FERMT2: variants seen among roughly 807,000 people sequenced by gnomAD.
The protein encoded by FERMT2 is FERM domain containing kindlin 2, also known as fermitin family homolog 2.
Under a neutral mutation model 82.7 loss-of-function variants are expected in FERMT2, and 15 were observed. The observed-to-expected ratio is 0.18, with a 90% CI of 0.12 to 0.28. FERMT2 has a LOEUF of 0.28. Ranked by LOEUF, FERMT2 falls within the 10% of genes least tolerant of loss-of-function variation. The pLI is 1.00. For synonymous variants in FERMT2, 274 were observed against 271.5 expected (o/e 1.01, Z -0.09); for missense variants, 645 against 809.4 (o/e 0.80, Z 2.46).
intron 2 of FERMT2, among the ~76,000 whole-genome samples, chr14:52,919,637 T>C (rs1888834510): frequency 6.6e-6 from 1 of 152,178 alleles, no homozygotes; most frequent in South Asian, 2.1e-4. Context: ...TACCCTCTTA[T>C]TCTCAGAAAA....
intron 2 of FERMT2, among the ~76,000 whole-genome samples, chr14:52,936,481 A>C (rs1889843015): frequency 6.6e-6 from 1 of 152,162 alleles, no homozygotes; most frequent in Admixed American, 6.5e-5. Context: ...GATAATGCTA[A>C]ATCTTTTAAA....
At chr14:52,914,971 C>T (rs1016438916) in intron 3 of FERMT2, among the ~76,000 whole-genome samples, 1 of 151,216 alleles carries the variant, frequency 6.6e-6, no homozygotes, top group African/African-American at 2.4e-5. Flanking sequence ...CAAGAAAATC[C>T]AAGAGAATCA....
At chr14:52,859,896 C>T (rs1884804500) in intron 13 of FERMT2, 182 bp from the exon 14 acceptor site, 1 of 358,242 alleles carries the variant, frequency 2.8e-6, no homozygotes, top group South Asian at 8.0e-5. Flanking sequence ...CAGCTCACTG[C>T]AAGCTCCGCC....
chr14:52,932,625 T>G (rs1046754484), intron 2 of FERMT2, among the ~76,000 whole-genome samples: 1 of 152,182 alleles, frequency 6.6e-6, no homozygotes, highest in Non-Finnish European at 1.5e-5. Flanking sequence ...ATAACAATAA[T>G]GTACTCACTT....
intron 4 of FERMT2, 68 bp from the exon 5 acceptor site, chr14:52,881,537 ATAT>A (rs1320939604): frequency 1.8e-6 from 2 of 1,127,274 alleles, no homozygotes; most frequent in Non-Finnish European, 2.6e-6. Context: ...ATAATAACAC[ATAT>A]TATGATATAA....
In FERMT2 at chr14:52,880,887, C is replaced by G. The variant is rs1886254302; in HGVS notation, c.855+149G>C. On this transcript the variant is annotated intron_variant, in intron 6 of 14. Transcript: ENST00000341590. Reference sequence around the variant, plus strand: ...ATAGACTTATTTAAAATACAAATACCTTTGCCTAAAAGTTTGGGTTTTTAA... The same window carrying G: ...ATAGACTTATTTAAAATACAAATACGTTTGCCTAAAAGTTTGGGTTTTTAA... 3.1e-5 allele frequency: 17 copies of G among 544,026 alleles called. No individual in the cohort carries two copies. The East Asian group carries it at 5.1e-4, about 16-fold the overall frequency. 33.7% of individuals were successfully genotyped at this position (544,026 alleles called of 1,614,324 possible). A position where few individuals can be genotyped will look rare whatever the true frequency, so the allele number is the denominator to read the frequency against.
At chr14:52,938,645 C>T (rs1889956607) in intron 2 of FERMT2, among the ~76,000 whole-genome samples, 1 of 152,150 alleles carries the variant, frequency 6.6e-6, no homozygotes, top group South Asian at 2.1e-4. Context: ...CGGCTCAGTG[C>T]AACCTCCACC....
At chr14:52,868,215 A>AT (rs5808693) in intron 10 of FERMT2, among the ~76,000 whole-genome samples, 98,484 of 143,592 alleles carry the variant, frequency 0.69, 35,660 homozygotes, top group Non-Finnish European at 0.79. Flanking sequence ...CTCTCTAGGC[A>AT]TTTTTTTTTT....
In FERMT2 at chr14:52,858,329, A is replaced by G. The variant is rs947676202; in HGVS notation, c.*48T>C. ...GCAGCATATAACAAACAGCTTTTAA[A>G]GTTAAATATTGTTATGGCCGTGGAG... On this transcript the variant is annotated 3_prime_UTR_variant, in exon 15 of 15. Coordinates refer to ENST00000341590, the MANE Select transcript of FERMT2 (RefSeq NM_006832.3). The G allele has an allele frequency of 2.6e-6, 4 of 1,509,996 alleles. No homozygotes were observed. Among genetic ancestry groups the G allele is most frequent in the Non-Finnish European group, 9.2e-7 (1 of 1,091,434 alleles). 93.5% of individuals were successfully genotyped at this position (1,509,996 alleles called of 1,614,324 possible).
At chr14:52,937,004 AC>A (rs970752580) in intron 2 of FERMT2, among the ~76,000 whole-genome samples, 1 of 151,668 alleles carries the variant, frequency 6.6e-6, no homozygotes, top group African/African-American at 2.4e-5. Flanking sequence ...AAAAAAAAAT[AC>A]AAAAAAATTA....
chr14:52,944,337 A>T (rs116272507), intron 2 of FERMT2, among the ~76,000 whole-genome samples: 3,206 of 152,320 alleles, frequency 0.021, 78 homozygotes, highest in East Asian at 0.074. Flanking sequence ...TGCAATGAGG[A>T]TGCATCATGT....
At chr14:52,879,042 G>C (rs1317567979) in intron 6 of FERMT2, among the ~76,000 whole-genome samples, 2 of 152,216 alleles carry the variant, frequency 1.3e-5, no homozygotes, top group Non-Finnish European at 1.5e-5. Flanking sequence ...ATTAAAGTAA[G>C]GCGGAACTAC....
At chr14:52,884,355 A>G (rs892568195) in intron 4 of FERMT2, among the ~76,000 whole-genome samples, 5 of 152,184 alleles carry the variant, frequency 3.3e-5, no homozygotes, top group Non-Finnish European at 7.3e-5. Context: ...TAATCCCAGC[A>G]CTTTGGGAAG....
intron 4 of FERMT2, among the ~76,000 whole-genome samples, chr14:52,888,305 G>A (rs1027413144): frequency 1.3e-5 from 2 of 152,172 alleles, no homozygotes; most frequent in Non-Finnish European, 2.9e-5. Flanking sequence ...AAAAGTATTA[G>A]TGGGTTGCTC....
Position 52,860,354 on chromosome 14 carries a change from G to A in FERMT2, c.1714C>T (p.His572Tyr). 1.2e-6 allele frequency: 2 copies of A among 1,613,904 alleles called. No individual in the cohort carries two copies. Among genetic ancestry groups the A allele is most frequent in the East Asian group, 2.2e-5 (1 of 44,846 alleles). Residue 572 changes from histidine to tyrosine, a missense_variant, in exon 13 of 15, where the codon CAC becomes TAC. Physicochemically the swap from His to Tyr is moderately conservative, Grantham distance 83. Coordinates refer to ENST00000341590, the MANE Select transcript of FERMT2 (RefSeq NM_006832.3). ...AGAACCACTGACCTTGCAATGAAGTGAGTGATGCCAAATTCAGGTAGTGAC... is the reference window on the plus strand; with the variant it reads ...AGAACCACTGACCTTGCAATGAAGTAAGTGATGCCAAATTCAGGTAGTGAC... Reference protein sequence around the residue: ...WQSLPEFGITHFIARFQGGKK... With the variant: ...WQSLPEFGITYFIARFQGGKK...
chr14:52,949,806 G>T lies in FERMT2; in HGVS notation c.157+606C>A, dbSNP rs189363670. Among the ~76,000 whole-genome samples the T allele has an allele frequency of 7.6e-4, 116 of 152,184 alleles. 1 individual carries two copies. The Middle Eastern group carries it at 0.01, about 13-fold the overall frequency. On this transcript the variant is annotated intron_variant, in intron 2 of 14. Coordinates refer to ENST00000341590, the MANE Select transcript of FERMT2 (RefSeq NM_006832.3). ...GCTTGTTATTAATATAAAACCGAAC[G>T]CTCGAAACGGCTTACATCGAGCATG... is the stretch of plus-strand genomic sequence containing the variant.
intron 3 of FERMT2, among the ~76,000 whole-genome samples, chr14:52,906,954 G>T (rs1888046367): frequency 1.4e-5 from 2 of 144,628 alleles, no homozygotes; most frequent in African/African-American, 2.5e-5. Flanking sequence ...ATTGGGGGGG[G>T]GGGGGGAATT....
chr14:52,934,931 C>T (rs550192378), intron 2 of FERMT2, among the ~76,000 whole-genome samples: 11 of 152,318 alleles, frequency 7.2e-5, no homozygotes, highest in African/African-American at 2.4e-4. Flanking sequence ...CACAGATAGA[C>T]TTTGAAATAA....
chr14:52,921,748 A>G (rs532155941), intron 2 of FERMT2, among the ~76,000 whole-genome samples: 28 of 150,166 alleles, frequency 1.9e-4, no homozygotes, highest in South Asian at 4.2e-4. Flanking sequence ...AAAACAGGGG[A>G]AAAAAAAAAG....
Sources: allele counts gnomAD v4.1 joint callset (sites outside exome capture counted in the v4.1 genomes callset), GRCh38; gene constraint gnomAD v4.1.1; transcripts MANE v1.5; gene names NCBI Gene and HGNC (gene_info 2026-07-23, HGNC 2026-07-21).